ZNF469: variants seen among roughly 807,000 people sequenced by gnomAD.
ZNF469 encodes the protein zinc finger protein 469.
A neutral mutation model predicts 1.0 loss-of-function variants in ZNF469; 1 was observed. The observed-to-expected ratio is 1.00, with a 90% CI of 0.35 to 4.73. The LOEUF (loss-of-function observed/expected upper bound fraction) is 4.73. Among genes scored for constraint, ZNF469 ranks in the 30% most tolerant of loss-of-function variants. ZNF469 has a pLI of 0.16. For missense variants in ZNF469, 6,100 were observed against 5,356.3 expected (o/e 1.14, Z -4.33); for synonymous variants, 2,703 against 2,363.4 (o/e 1.14, Z -4.17).
the ZNF469 span, among the ~76,000 whole-genome samples, chr16:88,179,248 G>A: frequency 6.6e-6 from 1 of 152,182 alleles, no homozygotes; most frequent in Non-Finnish European, 1.5e-5. Flanking sequence ...CAAGGGTCAG[G>A]TCCCTCAGGA....
chr16:88,276,179 G>A, the ZNF469 span, among the ~76,000 whole-genome samples: 3 of 152,188 alleles, frequency 2.0e-5, no homozygotes, highest in Non-Finnish European at 2.9e-5. Flanking sequence ...CGAGGCCCCT[G>A]CACAGGAGTC....
At chr16:88,220,910 TCAAATTG>T in the ZNF469 span, among the ~76,000 whole-genome samples, 2 of 152,176 alleles carry the variant, frequency 1.3e-5, no homozygotes, top group African/African-American at 2.4e-5. Flanking sequence ...TCTCCGGGTC[TCAAATTG>T]CTGCCATCCA....
chr16:88,259,862 T>A, the ZNF469 span, among the ~76,000 whole-genome samples: 1 of 152,204 alleles, frequency 6.6e-6, no homozygotes, highest in African/African-American at 2.4e-5. This position sits in a 1 kb window ranked among gnomAD's most constrained non-coding sequence, Gnocchi z 4.1. Context: ...GCAGCAGAGC[T>A]GATGTCTTAC....
the ZNF469 span, among the ~76,000 whole-genome samples, chr16:88,101,619 G>A: frequency 6.6e-6 from 1 of 151,798 alleles, no homozygotes; most frequent in African/African-American, 2.4e-5. Context: ...CCCAGGGGCA[G>A]GACGAGTTTG....
intron 1 of ZNF469, among the ~76,000 whole-genome samples, chr16:88,411,953 G>A (rs1270918531): frequency 3.8e-3 from 1 of 262 alleles, no homozygotes; most frequent in African/African-American, 0.023. Context: ...TGTTCATGGA[G>A]CCCTGGCGTG....
chr16:88,152,240 G>T, the ZNF469 span, among the ~76,000 whole-genome samples: 1 of 152,350 alleles, frequency 6.6e-6, no homozygotes, highest in Non-Finnish European at 1.5e-5. The surrounding 1 kb of genome is among the most constrained non-coding windows in gnomAD (Gnocchi z 4.2). Flanking sequence ...TCTGCACCGG[G>T]CCCCACCTTG....
At chr16:88,331,907 C>T in the ZNF469 span, among the ~76,000 whole-genome samples, 1 of 152,158 alleles carries the variant, frequency 6.6e-6, no homozygotes, top group African/African-American at 2.4e-5. Flanking sequence ...GTCCTGGAAG[C>T]TCAGGATGCA....
In ZNF469 at chr16:88,440,336, C is replaced by G. The variant is rs994187545; in HGVS notation, c.*1004C>G. 1 of 152,012 alleles carries G rather than the reference C, an allele frequency of 6.6e-6. No individual in the cohort carries two copies. The highest frequency in any genetic ancestry group is 2.4e-5 in the African/African-American group (1 of 41,374). The allele number at this position is 152,012 out of a possible 1,614,324, so 9.4% of individuals were successfully genotyped here. Reference sequence around the variant, plus strand: ...CAAGCCTGAGGTCTGTGCTGCCAGACGGGGATGCTCAGGGCTGGGGCTGCA... The same window carrying G: ...CAAGCCTGAGGTCTGTGCTGCCAGAGGGGGATGCTCAGGGCTGGGGCTGCA... On this transcript the variant is annotated 3_prime_UTR_variant, in exon 3 of 3. Transcript: ENST00000565624.
chr16:88,280,322 CAGTT>C, the ZNF469 span, among the ~76,000 whole-genome samples: 1 of 151,880 alleles, frequency 6.6e-6, no homozygotes, highest in Non-Finnish European at 1.5e-5. Context: ...TATCAGTGCA[CAGTT>C]AGTGCTGCGC....
the ZNF469 span, among the ~76,000 whole-genome samples, chr16:88,332,298 G>C: frequency 2.0e-5 from 3 of 152,224 alleles, no homozygotes; most frequent in East Asian, 5.8e-4. Flanking sequence ...GTCCAAGAAT[G>C]CTGTGGCTTA....
chr16:88,365,545 G>T, the ZNF469 span, among the ~76,000 whole-genome samples: 1 of 152,204 alleles, frequency 6.6e-6, no homozygotes, highest in Non-Finnish European at 1.5e-5. Flanking sequence ...GCTCTGCTGG[G>T]AAAGAACCCT....
chr16:88,296,822 C>G, the ZNF469 span, among the ~76,000 whole-genome samples: 1 of 152,196 alleles, frequency 6.6e-6, no homozygotes, highest in African/African-American at 2.4e-5. Context: ...CATGCTCACA[C>G]ATACCACGCA....
chr16:88,247,408 GTGAGTGAATAAGTGAATGAATGAA>G, the ZNF469 span, among the ~76,000 whole-genome samples: 20 of 149,752 alleles, frequency 1.3e-4, no homozygotes, highest in African/African-American at 4.9e-4. Flanking sequence ...AAATAAGTGA[GTGAGTGAATAAGTGAATGAATGAA>G]TGAGTGAATA....
At chr16:88,373,024 C>T in the ZNF469 span, among the ~76,000 whole-genome samples, 3 of 152,244 alleles carry the variant, frequency 2.0e-5, no homozygotes, top group African/African-American at 7.2e-5. Flanking sequence ...CCATCATCGC[C>T]ATCATCCTCT....
chr16:88,172,407 T>C, the ZNF469 span, among the ~76,000 whole-genome samples: 1 of 152,128 alleles, frequency 6.6e-6, no homozygotes, highest in Non-Finnish European at 1.5e-5. Flanking sequence ...TGAGAAATGG[T>C]GGTAAATTAG....
At chr16:88,255,106 C>G in the ZNF469 span, among the ~76,000 whole-genome samples, 1,161 of 152,202 alleles carry the variant, frequency 7.6e-3, 21 homozygotes, top group African/African-American at 0.027. Flanking sequence ...GCTTAGGGTC[C>G]GATAGCTGGG....
At chr16:88,372,414 C>CATT in the ZNF469 span, among the ~76,000 whole-genome samples, 26 of 149,484 alleles carry the variant, frequency 1.7e-4, no homozygotes, top group African/African-American at 6.1e-4. Flanking sequence ...CCATCATCAC[C>CATT]ATCACCATCA....
intron 1 of ZNF469, among the ~76,000 whole-genome samples, chr16:88,405,342 G>A (rs1016458197): frequency 1.3e-5 from 2 of 152,294 alleles, no homozygotes; most frequent in African/African-American, 4.8e-5. Flanking sequence ...TATTAGAAGT[G>A]CACGAGAATA....
the ZNF469 span, among the ~76,000 whole-genome samples, chr16:88,292,655 T>G: frequency 6.6e-6 from 1 of 152,000 alleles, no homozygotes; most frequent in Non-Finnish European, 1.5e-5. Flanking sequence ...CAGGCCTCGG[T>G]GGCCTTGACT....
Sources: gnomAD v4.1 joint callset for allele counts (sites outside exome capture counted in the v4.1 genomes callset) on GRCh38, gnomAD v4.1.1 for gene constraint, Gnocchi (gnomAD v3.1) non-coding constraint, MANE v1.5 for transcripts, NCBI Gene and HGNC (gene_info 2026-07-23, HGNC 2026-07-21) for gene names.